TPD52: variants seen among roughly 807,000 people sequenced by gnomAD.
TPD52 encodes tumor protein D52.
In TPD52, 17 loss-of-function variants were observed where a neutral mutation model predicts 31.3. The ratio of observed to expected loss-of-function variants is 0.54; its 90% CI spans 0.37 to 0.82. TPD52 has a LOEUF of 0.82. Ranked by LOEUF, TPD52 falls within the 40% of genes least tolerant of loss-of-function variation. The pLI, the probability that TPD52 is intolerant of heterozygous loss-of-function variation, is 0.00. For missense variants in TPD52, 212 were observed against 240.1 expected (o/e 0.88, Z 0.77); for synonymous variants, 83 against 89.6 (o/e 0.93, Z 0.42).
intron 1 of TPD52, among the ~76,000 whole-genome samples, chr8:80,095,848 T>C (rs1816685119): frequency 6.6e-6 from 1 of 152,310 alleles, no homozygotes; most frequent in South Asian, 2.1e-4. Context: ...CTCAGGAGGC[T>C]GAGGCAGGAG....
chr8:80,072,381 G>A (rs549308610), intron 1 of TPD52, among the ~76,000 whole-genome samples: 6 of 144,086 alleles, frequency 4.2e-5, no homozygotes, highest in South Asian at 2.2e-4. Context: ...ATAGATATGC[G>A]TGTATATACA....
At chr8:80,167,197 A>G (rs1446199393) in intron 1 of TPD52, among the ~76,000 whole-genome samples, 1 of 152,200 alleles carries the variant, frequency 6.6e-6, no homozygotes, top group African/African-American at 2.4e-5. Flanking sequence ...GCTGGTACCC[A>G]CTAGTTTAAA....
chr8:80,036,488 G>A lies in TPD52; in HGVS notation c.*1628C>T, dbSNP rs1393929745. On this transcript the variant is annotated 3_prime_UTR_variant, in exon 8 of 8. Transcript: ENST00000518937. ...ACCATTAAGCAATAATTTAAGGATG[G>A]TTAAAAAAAAATTTTTTTTTTTTAA... 1.3e-5 allele frequency: 2 copies of A among 152,300 alleles called. No individual in the cohort carries two copies. The highest frequency in any genetic ancestry group is 2.9e-5 in the Non-Finnish European group (2 of 67,988). The allele number at this position is 152,300 out of a possible 1,614,324, so 9.4% of individuals were successfully genotyped here. A position where few individuals can be genotyped will look rare whatever the true frequency, so the allele number is the denominator to read the frequency against.
At chr8:80,142,912 G>GT (rs1415992041) in intron 1 of TPD52, among the ~76,000 whole-genome samples, 6 of 152,298 alleles carry the variant, frequency 3.9e-5, no homozygotes, top group South Asian at 2.1e-4. Flanking sequence ...TCATGTGCAT[G>GT]TAAGGATGCA....
At chr8:80,100,497 C>T (rs1159904853) in intron 1 of TPD52, among the ~76,000 whole-genome samples, 1 of 152,184 alleles carries the variant, frequency 6.6e-6, no homozygotes, top group Non-Finnish European at 1.5e-5. Context: ...AAAACCCTAC[C>T]TGAAACCAGG....
chr8:80,067,177 A>C (rs1813250240), intron 1 of TPD52: 1 of 152,218 alleles, frequency 6.6e-6, no homozygotes, highest in African/African-American at 2.4e-5. Context: ...CTAGGCTATC[A>C]AGGAAAATAA....
chr8:80,154,725 ACACACACACACACACACACACAC>A (rs1810812772), intron 1 of TPD52, among the ~76,000 whole-genome samples: 1 of 145,916 alleles, frequency 6.9e-6, no homozygotes, highest in Non-Finnish European at 1.5e-5. Flanking sequence ...ACACACACAC[ACACACACACACACACACACACAC>A]ACACAAAACA....
intron 1 of TPD52, among the ~76,000 whole-genome samples, chr8:80,169,654 CATT>C (rs1207864111): frequency 6.6e-6 from 1 of 152,124 alleles, no homozygotes; most frequent in Admixed American, 6.5e-5. Flanking sequence ...CTAAAAACAT[CATT>C]ATGTCAAACG....
intron 5 of TPD52, among the ~76,000 whole-genome samples, chr8:80,049,124 T>C (rs1811134144): frequency 6.6e-6 from 1 of 152,222 alleles, no homozygotes; most frequent in African/African-American, 2.4e-5. Flanking sequence ...CTTACTTTTA[T>C]ATCTTACACT....
At chr8:80,148,456 C>T (rs1275946561) in intron 1 of TPD52, among the ~76,000 whole-genome samples, 1 of 152,092 alleles carries the variant, frequency 6.6e-6, no homozygotes, top group African/African-American at 2.4e-5. Context: ...AGCCACCACA[C>T]CTGGCCCTAA....
chr8:80,045,535 G>A (rs1810757792), intron 5 of TPD52, among the ~76,000 whole-genome samples: 1 of 152,222 alleles, frequency 6.6e-6, no homozygotes, highest in Admixed American at 6.5e-5. Flanking sequence ...ATGTTGAAGA[G>A]GATCTGGTGG....
intron 1 of TPD52, among the ~76,000 whole-genome samples, chr8:80,164,024 C>CAGAG (rs58566558): frequency 3.3e-3 from 368 of 110,298 alleles, no homozygotes; most frequent in Non-Finnish European, 5.2e-3. Flanking sequence ...GAGAGAGAGA[C>CAGAG]AGAGAGAGAG....
chr8:80,056,701 G>T (rs1009682091), intron 2 of TPD52, among the ~76,000 whole-genome samples: 2 of 152,082 alleles, frequency 1.3e-5, no homozygotes, highest in African/African-American at 4.8e-5. Flanking sequence ...AAAAAACAGA[G>T]ATTAATAAGT....
At chr8:80,048,812 A>C (rs1453523754) in intron 5 of TPD52, among the ~76,000 whole-genome samples, 1 of 152,236 alleles carries the variant, frequency 6.6e-6, no homozygotes, top group African/African-American at 2.4e-5. Flanking sequence ...TTTAATCAAA[A>C]ACCTTACTTT....
intron 2 of TPD52, among the ~76,000 whole-genome samples, chr8:80,054,552 T>C (rs996041179): frequency 3.3e-5 from 5 of 152,118 alleles, no homozygotes; most frequent in Non-Finnish European, 7.4e-5. Flanking sequence ...TCCTGGCTTG[T>C]TGCAAAGCCA....
chr8:80,051,295 C>G, intron 4 of TPD52: 1 of 534,764 alleles, frequency 1.9e-6, no homozygotes, highest in East Asian at 3.3e-5. Flanking sequence ...AAGTTCACAA[C>G]CAGAATTTTT....
chr8:80,156,892 A>AGTGGG (rs1274907949), intron 1 of TPD52, among the ~76,000 whole-genome samples: 1 of 150,094 alleles, frequency 6.7e-6, no homozygotes, highest in Non-Finnish European at 1.5e-5. Context: ...GTTGAAGAGG[A>AGTGGG]GTGGGGTGGG....
intron 7 of TPD52, among the ~76,000 whole-genome samples, chr8:80,041,684 T>C (rs987117167): frequency 1.3e-5 from 2 of 152,000 alleles, no homozygotes; most frequent in Non-Finnish European, 2.9e-5. Flanking sequence ...TCACCTCCAC[T>C]AAAATCAAAG....
chr8:80,038,064 T>C lies in TPD52; in HGVS notation c.*52A>G. 6.2e-7 allele frequency: 1 copy of C among 1,600,890 alleles called. No individual in the cohort carries two copies. Among genetic ancestry groups the C allele is most frequent in the Non-Finnish European group, 8.5e-7 (1 of 1,170,176 alleles). ...GCAATGCATGTTGACAAGATGTGCTTGGACCTCGCTTGCAGCATCTGGCAG... is the reference window on the plus strand; with the variant it reads ...GCAATGCATGTTGACAAGATGTGCTCGGACCTCGCTTGCAGCATCTGGCAG... On this transcript the variant is annotated 3_prime_UTR_variant, in exon 8 of 8. Transcript: ENST00000518937.
Sources: gnomAD v4.1 joint callset for allele counts (sites outside exome capture counted in the v4.1 genomes callset) on GRCh38, gnomAD v4.1.1 for gene constraint, MANE v1.5 for transcripts, NCBI Gene and HGNC (gene_info 2026-07-23, HGNC 2026-07-21) for gene names.